Variants in ZNF782 observed in about 807,000 individuals in gnomAD.
The protein encoded by ZNF782 is zinc finger protein 782.
ZNF782 carries 12 observed loss-of-function variants against 13.0 expected under a neutral mutation model. The ratio of observed to expected loss-of-function variants is 0.92; its 90% CI spans 0.59 to 1.50. The LOEUF is 1.50. Among genes scored for constraint, ZNF782 ranks in the 40% most tolerant of loss-of-function variants. The pLI, the probability that ZNF782 is intolerant of heterozygous loss-of-function variation, is 0.00. For synonymous variants in ZNF782, 284 were observed against 283.0 expected (o/e 1.00, Z -0.04); for missense variants, 770 against 822.9 (o/e 0.94, Z 0.79).
At chr9:96,911,007 T>C in the ZNF782 span, among the ~76,000 whole-genome samples, 1 of 148,212 alleles carries the variant, frequency 6.7e-6, no homozygotes, top group African/African-American at 2.5e-5. Flanking sequence ...TATATTTTTG[T>C]ACATATTGTT....
In ZNF782 at chr9:96,819,601, G is replaced by A. The variant is rs147431402; in HGVS notation, c.422C>T (p.Ala141Val). The change falls in exon 6 of 6, where the codon GCG becomes GTG. Residue 141 changes from alanine (A) to valine (V), a missense_variant. By Grantham distance (64) the Ala-to-Val change is moderately conservative (BLOSUM62 0). Coordinates refer to ENST00000481138, the MANE Select transcript of ZNF782 (RefSeq NM_001001662.3). Reference sequence around the variant, plus strand: ...GCTGAGCCCCTGGCAAGCAGACCCCGCAATGTCACATTTACAAGGCATCAT... The same window carrying A: ...GCTGAGCCCCTGGCAAGCAGACCCCACAATGTCACATTTACAAGGCATCAT... ...ARMMPCKCDI[A>V]GSACQGLSLM... is the part of the protein sequence containing the mutation. The A allele has an allele frequency of 6.3e-5, 101 of 1,613,694 alleles. No individual in the cohort carries two copies. Among genetic ancestry groups the A allele is most frequent in the Middle Eastern group, 1.6e-4 (1 of 6,080 alleles).
At chr9:96,907,469 T>C in the ZNF782 span, among the ~76,000 whole-genome samples, 1 of 152,284 alleles carries the variant, frequency 6.6e-6, no homozygotes, top group African/African-American at 2.4e-5. Context: ...TGCTTAAAAA[T>C]GGTTACGATG....
At chr9:96,888,177 A>G in the ZNF782 span, 3 of 100,046 alleles carry the variant, frequency 3.0e-5, no homozygotes, top group African/African-American at 5.8e-4. Flanking sequence ...ATAAAAAAAG[A>G]AAAAAAAAAA....
At chr9:96,863,464 G>A (rs55812243) in intron 1 of ZNF782, among the ~76,000 whole-genome samples, 7,788 of 152,198 alleles carry the variant, frequency 0.051, 572 homozygotes, top group African/African-American at 0.17. Flanking sequence ...GGGATTCTTT[G>A]AAGAACTAAA....
At chr9:96,917,564 TG>T in the ZNF782 span, among the ~76,000 whole-genome samples, 2 of 151,870 alleles carry the variant, frequency 1.3e-5, no homozygotes, top group East Asian at 3.9e-4. Flanking sequence ...CCCAAGTAGC[TG>T]GGATTACAGG....
the ZNF782 span, among the ~76,000 whole-genome samples, chr9:96,916,843 GC>G: frequency 7.4e-6 from 1 of 134,706 alleles, no homozygotes; most frequent in Non-Finnish European, 1.6e-5. Flanking sequence ...ATAAAAGAGG[GC>G]CGGCTACCTG....
upstream of ZNF782, among the ~76,000 whole-genome samples, chr9:96,859,465 A>AC (rs944860892): frequency 9.2e-5 from 14 of 151,546 alleles, no homozygotes; most frequent in African/African-American, 3.4e-4. Context: ...GAGTCATGAG[A>AC]CCCCCCTTTC....
intron 1 of ZNF782, among the ~76,000 whole-genome samples, chr9:96,871,267 A>G (rs1458398584): frequency 2.0e-5 from 3 of 152,130 alleles, no homozygotes; most frequent in African/African-American, 7.2e-5. Flanking sequence ...TATAATTTGA[A>G]ATTTTAATTG....
chr9:96,870,458 C>A (rs1375248448), intron 1 of ZNF782, among the ~76,000 whole-genome samples: 1 of 152,142 alleles, frequency 6.6e-6, no homozygotes, highest in Non-Finnish European at 1.5e-5. Context: ...TAGAAAAGTA[C>A]TTTCAAAAGA....
the ZNF782 span, among the ~76,000 whole-genome samples, chr9:96,907,337 G>A: frequency 2.0e-5 from 3 of 152,256 alleles, no homozygotes; most frequent in South Asian, 6.2e-4. Flanking sequence ...GTTGCCAGGA[G>A]CTGGGGAAAG....
the ZNF782 span, among the ~76,000 whole-genome samples, chr9:96,882,978 T>G: frequency 2.3e-3 from 346 of 151,846 alleles, 3 homozygotes; most frequent in African/African-American, 7.9e-3. Context: ...GAAGGAACAA[T>G]GCAGAGAAGA....
chr9:96,859,349 C>T (rs1001258002), upstream of ZNF782, among the ~76,000 whole-genome samples: 1 of 152,044 alleles, frequency 6.6e-6, no homozygotes, highest in Non-Finnish European at 1.5e-5. Context: ...CAGTGCAGCT[C>T]GCAGCTCTGA....
upstream of ZNF782, among the ~76,000 whole-genome samples, chr9:96,876,924 T>G (rs1342290861): frequency 8.6e-6 from 1 of 116,370 alleles, no homozygotes; most frequent in African/African-American, 3.7e-5. Context: ...GAGAATTGCT[T>G]GAACTCGGAA....
intron 4 of ZNF782, among the ~76,000 whole-genome samples, chr9:96,840,277 T>C (rs1265303873): frequency 2.0e-5 from 3 of 152,106 alleles, no homozygotes; most frequent in Non-Finnish European, 4.4e-5. Flanking sequence ...ACTCACTATC[T>C]TTTCTTCTAC....
chr9:96,931,181 C>A, the ZNF782 span, among the ~76,000 whole-genome samples: 1 of 152,074 alleles, frequency 6.6e-6, no homozygotes, highest in Non-Finnish European at 1.5e-5. Flanking sequence ...AACCAGCATG[C>A]CCGGCCTATC....
intron 2 of ZNF782, chr9:96,860,533 C>G (rs1164066607): frequency 2.6e-5 from 4 of 152,168 alleles, no homozygotes; most frequent in African/African-American, 9.7e-5. Context: ...GGTGCCTCCA[C>G]AAGTCTGCAA....
chr9:96,898,314 A>C, the ZNF782 span, among the ~76,000 whole-genome samples: 6,160 of 143,340 alleles, frequency 0.043, 316 homozygotes, highest in African/African-American at 0.14. Context: ...GTTCCCTCCT[A>C]CCCCAGCCCC....
intron 3 of ZNF782, among the ~76,000 whole-genome samples, chr9:96,851,700 T>G (rs984314933): frequency 6.6e-6 from 1 of 152,240 alleles, no homozygotes; most frequent in Non-Finnish European, 1.5e-5. Context: ...ATAGATTTAT[T>G]CTGATACATA....
At chr9:96,868,060 TTTCTTGC>T (rs1851780083) in intron 1 of ZNF782, among the ~76,000 whole-genome samples, 1 of 152,232 alleles carries the variant, frequency 6.6e-6, no homozygotes, top group Non-Finnish European at 1.5e-5. Flanking sequence ...ACCTCGATGT[TTTCTTGC>T]AAAAGAAGTG....
Sources: allele counts gnomAD v4.1 joint callset (sites outside exome capture counted in the v4.1 genomes callset), GRCh38; gene constraint gnomAD v4.1.1; transcripts MANE v1.5; gene names NCBI Gene and HGNC (gene_info 2026-07-23, HGNC 2026-07-21).